The following PSG3 variants were observed in gnomAD, a reference collection of about 807,000 sequenced individuals.
PSG3 encodes pregnancy specific beta-1-glycoprotein 3.
In PSG3, 61 loss-of-function variants were observed where a neutral mutation model predicts 47.5. That is an observed-to-expected ratio of 1.28 (90% CI 1.05 to 1.59). PSG3 has a LOEUF of 1.59. Ranked by LOEUF, PSG3 falls within the 40% of genes most tolerant of loss-of-function variation. The pLI is 0.00. For missense variants in PSG3, 756 were observed against 524.0 expected, an observed-to-expected ratio of 1.44 and a Z score of -4.32; for synonymous variants, 263 against 198.4, an observed-to-expected ratio of 1.33 and a Z score of -2.74.
intron 5 of PSG3, among the ~76,000 whole-genome samples, chr19:42,728,784 G>T (rs1019972051): frequency 2.6e-5 from 4 of 152,210 alleles, no homozygotes; most frequent in Admixed American, 2.0e-4. Context: ...CAAAGACGTG[G>T]CAGAAGGGGA....
At chr19:42,729,578 A>T (rs530689676) in intron 4 of PSG3, among the ~76,000 whole-genome samples, 200 bp downstream of exon 4, 83 of 152,166 alleles carry the variant, frequency 5.5e-4, no homozygotes, top group Non-Finnish European at 7.6e-4. Flanking sequence ...GTCTCCCATG[A>T]CAAGAGCGTC....
At position 42,729,280 on chromosome 19, in the gene PSG3, T is replaced by A. The variant is rs1969428816; in HGVS notation, c.1086A>T (p.Ala362=). ...TCCCATTAATTGTCCAAGAATATTC[T>A]GCTGGTGGGTTAGAGTCCGCGAAGC... ...LSCFADSNPP[A]EYSWTINGKF... is the part of the protein sequence containing the mutation. The change falls in exon 5 of 7, where the codon GCA becomes GCT. Residue 362 remains alanine (A), a synonymous_variant. Transcript: ENST00000327495. 1.9e-6 allele frequency: 3 copies of A among 1,614,088 alleles called. No homozygotes were observed. Among genetic ancestry groups the A allele is most frequent in the African/African-American group, 1.3e-5 (1 of 75,046 alleles).
chr19:42,737,592 C>T (rs1355218832), intron 2 of PSG3, among the ~76,000 whole-genome samples: 2 of 152,190 alleles, frequency 1.3e-5, no homozygotes, highest in African/African-American at 4.8e-5. Flanking sequence ...GGAATACAGA[C>T]TAATCAGTTG....
At chr19:42,728,803 T>A (rs1568747950) in intron 5 of PSG3, among the ~76,000 whole-genome samples, 2 of 152,156 alleles carry the variant, frequency 1.3e-5, no homozygotes, top group Admixed American at 6.5e-5. Context: ...GATGTGTTGG[T>A]GACAGCAAGA....
intron 4 of PSG3, 50 bp downstream of exon 4, chr19:42,729,727 GT>G (rs1969439352): frequency 6.3e-7 from 1 of 1,579,840 alleles, no homozygotes; most frequent in Admixed American, 1.8e-5. Flanking sequence ...GCCTCTGGTC[GT>G]TTTGATTTAA....
At position 42,735,050 on chromosome 19, in the gene PSG3, T is replaced by C. The variant is rs543610906; in HGVS notation, c.431-1988A>G. On this transcript the variant is annotated intron_variant, in intron 2 of 6. Coordinates refer to ENST00000327495, the MANE Select transcript of PSG3 (RefSeq NM_021016.4). Reference sequence around the variant, plus strand: ...ATCATCATGAGGAAACAGTTGTATGTGGCACAGGCAGTAAAGCCATCAGAT... The same window carrying C: ...ATCATCATGAGGAAACAGTTGTATGCGGCACAGGCAGTAAAGCCATCAGAT... Among the ~76,000 whole-genome samples the C allele has an allele frequency of 5.3e-5, 8 of 152,334 alleles. No homozygotes were observed. The East Asian group carries it at 1.5e-3, about 29-fold the overall frequency.
chr19:42,723,846 G>T, intron 6 of PSG3, 96 bp downstream of exon 6: 1 of 954,912 alleles, frequency 1.0e-6, no homozygotes, highest in Non-Finnish European at 1.7e-6. Context: ...GGAAGGAGGA[G>T]ATCCAGTCCC....
At chr19:42,737,754 T>C (rs1019033765) in intron 2 of PSG3, among the ~76,000 whole-genome samples, 4 of 152,154 alleles carry the variant, frequency 2.6e-5, no homozygotes, top group African/African-American at 4.8e-5. Flanking sequence ...CATGTGACCC[T>C]GATCTCCCCT....
chr19:42,731,892 C>T (rs1303095141), intron 3 of PSG3: 3 of 151,350 alleles, frequency 2.0e-5, no homozygotes, highest in Admixed American at 6.6e-5. Context: ...TTAATGTGAA[C>T]TGAAATTCTT....
chr19:42,737,714 G>A (rs1187571242), intron 2 of PSG3, among the ~76,000 whole-genome samples: 1 of 152,158 alleles, frequency 6.6e-6, no homozygotes, highest in Non-Finnish European at 1.5e-5. Flanking sequence ...TGGTGGAGGA[G>A]AGGGTGGGCC....
At chr19:42,739,203 C>CACACACAT (rs1568756810) in intron 1 of PSG3, 114 bp from the exon 2 acceptor site, 1 of 1,392,980 alleles carries the variant, frequency 7.2e-7, no homozygotes, top group African/African-American at 1.5e-5. Flanking sequence ...GAGACACACA[C>CACACACAT]ACACACATAC....
intron 5 of PSG3, among the ~76,000 whole-genome samples, chr19:42,724,920 C>G (rs760732069): frequency 1.3e-5 from 2 of 151,956 alleles, no homozygotes; most frequent in Admixed American, 6.6e-5. Context: ...AGGGGCACTT[C>G]CTATGTGCCA....
chr19:42,734,913 G>C (rs764068371), intron 2 of PSG3, among the ~76,000 whole-genome samples: 1 of 152,218 alleles, frequency 6.6e-6, no homozygotes, highest in Non-Finnish European at 1.5e-5. Context: ...TTTCTCTTAA[G>C]CTCAGGAAAC....
intron 1 of PSG3, 136 bp downstream of exon 1, chr19:42,740,185 C>G: frequency 1.9e-6 from 3 of 1,549,312 alleles, no homozygotes; most frequent in African/African-American, 1.4e-5. Context: ...AACTCCTGAT[C>G]TCGTGATCCA....
chr19:42,732,746 A>T (rs1158919438), intron 3 of PSG3, 38 bp downstream of exon 3: 11 of 1,614,028 alleles, frequency 6.8e-6, no homozygotes, highest in Non-Finnish European at 9.3e-6. Context: ...TGTATTTGGG[A>T]TGGCAGACTG....
chr19:42,735,399 C>G (rs1021270017), intron 2 of PSG3, among the ~76,000 whole-genome samples: 1 of 151,960 alleles, frequency 6.6e-6, no homozygotes, highest in African/African-American at 2.4e-5. Context: ...CAGAGTCTCG[C>G]TCTGTCACCT....
chr19:42,724,426 G>A (rs1271236463), intron 5 of PSG3, among the ~76,000 whole-genome samples: 2 of 152,112 alleles, frequency 1.3e-5, no homozygotes, highest in East Asian at 3.8e-4. Flanking sequence ...TTGACAGAAG[G>A]CCCAGGTCAG....
In PSG3 at chr19:42,732,853, G is replaced by A; in HGVS notation, c.640C>T (p.Pro214Ser). ...LFGVTKYTAG[P>S]YECEIRNPVS... ...GGGTTCCGTATTTCACATTCATAGG[G>A]TCCTGCAGTGTACTTTGTGACACCA... is the stretch of plus-strand genomic sequence containing the variant. Residue 214 changes from proline (P) to serine (S), a missense_variant, in exon 3 of 7, where the codon CCC (proline) becomes TCC (serine). Coordinates refer to ENST00000327495, the MANE Select transcript of PSG3 (RefSeq NM_021016.4). The A allele has an allele frequency of 3.1e-6, 5 of 1,614,120 alleles. No individual in the cohort carries two copies. Among genetic ancestry groups the A allele is most frequent in the Non-Finnish European group, 4.2e-6 (5 of 1,179,992 alleles).
intron 3 of PSG3, among the ~76,000 whole-genome samples, chr19:42,730,587 G>A (rs1307144249): frequency 2.0e-5 from 3 of 152,200 alleles, no homozygotes; most frequent in African/African-American, 7.2e-5. Context: ...ATAACACAGG[G>A]GAGACCAGAA....
Sources: allele counts gnomAD v4.1 joint callset (sites outside exome capture counted in the v4.1 genomes callset), GRCh38; gene constraint gnomAD v4.1.1; transcripts MANE v1.5; gene names NCBI Gene and HGNC (gene_info 2026-07-23, HGNC 2026-07-21).